The following ZNF626 variants were observed in gnomAD, a reference collection of about 807,000 sequenced individuals.
ZNF626 encodes zinc finger protein 626, also known as CTC-513N18.7.
ZNF626 carries 4 observed loss-of-function variants against 11.7 expected under a neutral mutation model. The ratio of observed to expected loss-of-function variants is 0.34; its 90% CI spans 0.17 to 0.78. The LOEUF (loss-of-function observed/expected upper bound fraction) is 0.78, where lower values mean the gene tolerates loss of function less well. ZNF626 is among the 30% of genes least tolerant of loss of function. The pLI is 0.57. For synonymous variants in ZNF626, 179 were observed against 198.6 expected (o/e 0.90, Z 0.83); for missense variants, 588 against 587.1 (o/e 1.00, Z -0.01).
Position 20,622,329 on chromosome 19 carries a change from C to A in ZNF626, c.*1961G>T, listed in dbSNP as rs1274193272. The A allele has an allele frequency of 6.6e-6, 1 of 152,130 alleles. No individual in the cohort carries two copies. Among genetic ancestry groups the A allele is most frequent in the Non-Finnish European group, 1.5e-5 (1 of 68,010 alleles). 9.4% of individuals were successfully genotyped at this position (152,130 alleles called of 1,614,324 possible). A position where few individuals can be genotyped will look rare whatever the true frequency, so the allele number is the denominator to read the frequency against. ...ATACTTTAATTTATAATTTCTTTCT[C>A]TCAGTATAATGTAGAAAAGTATTAC... On this transcript the variant is annotated 3_prime_UTR_variant, in exon 4 of 4. Transcript: ENST00000601440.
chr19:20,654,649 C>T (rs1393321203), intron 1 of ZNF626, among the ~76,000 whole-genome samples: 7 of 151,752 alleles, frequency 4.6e-5, no homozygotes, highest in African/African-American at 1.5e-4. Flanking sequence ...GCGGAGCTTG[C>T]AGTGAGCCAA....
At chr19:20,653,882 G>C (rs1317259665) in intron 1 of ZNF626, among the ~76,000 whole-genome samples, 1 of 152,080 alleles carries the variant, frequency 6.6e-6, no homozygotes, top group African/African-American at 2.4e-5. Context: ...TAATTGAAGA[G>C]CTACTATAGT....
chr19:20,650,305 G>A (rs10775594), intron 1 of ZNF626, among the ~76,000 whole-genome samples: 99,268 of 151,626 alleles, frequency 0.65, 34,697 homozygotes, highest in African/African-American at 0.91. Flanking sequence ...AAATATGGAA[G>A]GCAAGAGTTT....
intron 3 of ZNF626, among the ~76,000 whole-genome samples, chr19:20,634,779 G>A (rs1357673775): frequency 2.2e-4 from 34 of 152,132 alleles, no homozygotes; most frequent in Admixed American, 1.9e-3. Context: ...AAAAGTATAT[G>A]GAATCTAAAG....
chr19:20,661,392 C>T (rs975011019), intron 1 of ZNF626, 52 bp downstream of exon 1: 7 of 1,612,734 alleles, frequency 4.3e-6, no homozygotes, highest in Admixed American at 1.7e-5. Context: ...CACTTTTCAC[C>T]GGTTCCAACC....
At chr19:20,660,421 G>A (rs1310728992) in intron 1 of ZNF626, among the ~76,000 whole-genome samples, 1 of 151,960 alleles carries the variant, frequency 6.6e-6, no homozygotes, top group Non-Finnish European at 1.5e-5. Flanking sequence ...TTTTTAAGAT[G>A]CTTACTTTTT....
intron 3 of ZNF626, among the ~76,000 whole-genome samples, chr19:20,635,972 A>C (rs1241935887): frequency 2.6e-5 from 4 of 152,170 alleles, no homozygotes; most frequent in Non-Finnish European, 4.4e-5. Context: ...GTCTCTACTA[A>C]AAGTACAAAA....
chr19:20,625,781 A>G (rs1168394505), intron 3 of ZNF626, 131 bp from the exon 4 acceptor site: 40 of 960,714 alleles, frequency 4.2e-5, no homozygotes, highest in Non-Finnish European at 5.1e-5. Flanking sequence ...ACAAGCTGTA[A>G]TTTCTTCCTG....
chr19:20,638,675 GATATT>G (rs548771591), intron 3 of ZNF626, among the ~76,000 whole-genome samples: 3 of 151,972 alleles, frequency 2.0e-5, no homozygotes, highest in Admixed American at 6.6e-5. Flanking sequence ...GACAAAGACT[GATATT>G]ATATTATGAC....
At position 20,646,301 on chromosome 19, in the gene ZNF626, G is replaced by C. The variant is rs782556295; in HGVS notation, c.108C>G (p.Asn36Lys). 2 of 1,613,854 alleles carry C rather than the reference G, an allele frequency of 1.2e-6. No individual in the cohort carries two copies. Among genetic ancestry groups the C allele is most frequent in the Non-Finnish European group, 1.7e-6 (2 of 1,179,940 alleles). The change falls in exon 2 of 4, where the codon AAC becomes AAG. Residue 36 changes from asparagine to lysine, a missense_variant. By Grantham distance (94) the Asn-to-Lys change is moderately conservative (BLOSUM62 0). Coordinates refer to ENST00000601440, the MANE Select transcript of ZNF626 (RefSeq NM_001076675.3). ...RNLYRNVMLE[N>K]YSNLVFLGIT... ...CACCAAGGAAGACCAGGTTACTGTA[G>C]TTCTCTAACATCACATTCCTATATA... is the stretch of plus-strand genomic sequence containing the variant.
chr19:20,636,544 G>A (rs532775510), intron 3 of ZNF626, among the ~76,000 whole-genome samples: 2 of 151,260 alleles, frequency 1.3e-5, no homozygotes, highest in East Asian at 1.9e-4. Context: ...GTAATACAGA[G>A]GTTACTTGAA....
chr19:20,651,701 G>T (rs536264473), intron 1 of ZNF626, among the ~76,000 whole-genome samples: 6 of 152,272 alleles, frequency 3.9e-5, no homozygotes, highest in African/African-American at 1.4e-4. Flanking sequence ...GTGACCTGGG[G>T]CTGGTGGCCC....
intron 3 of ZNF626, among the ~76,000 whole-genome samples, chr19:20,626,686 G>A (rs1427625415): frequency 1.3e-5 from 2 of 152,124 alleles, no homozygotes; most frequent in African/African-American, 4.8e-5. Context: ...TTGTACCACT[G>A]CACTTCAGAC....
intron 2 of ZNF626, among the ~76,000 whole-genome samples, chr19:20,646,016 G>A (rs574210091): frequency 6.6e-5 from 10 of 152,268 alleles, no homozygotes; most frequent in South Asian, 6.2e-4. Context: ...TTCAGGTGGA[G>A]CAACAATATT....
chr19:20,624,167 C>T lies in ZNF626; in HGVS notation c.*123G>A, dbSNP rs1283593908. 6.6e-7 allele frequency: 1 copy of T among 1,519,574 alleles called. No homozygotes were observed. Among genetic ancestry groups the T allele is most frequent in the Admixed American group, 1.7e-5 (1 of 59,592 alleles). The allele number at this position is 1,519,574 out of a possible 1,614,324, so 94.1% of individuals were successfully genotyped here. A position where few individuals can be genotyped will look rare whatever the true frequency, so the allele number is the denominator to read the frequency against. ...TTAGAGGAGTGCTTAAAGGCTTTGC[C>T]ACATTCTTCACATCTGTAGGGTTTT... On this transcript the variant is annotated 3_prime_UTR_variant, in exon 4 of 4. Transcript: ENST00000601440.
chr19:20,627,887 T>A (rs1969857874), intron 3 of ZNF626, among the ~76,000 whole-genome samples: 1 of 152,216 alleles, frequency 6.6e-6, no homozygotes, highest in African/African-American at 2.4e-5. Context: ...CATTAACTCG[T>A]CATTTAGCAT....
At position 20,620,976 on chromosome 19, in the gene ZNF626, CT is replaced by C. The variant is rs1471395948; in HGVS notation, c.*3313del. 1 of 152,092 alleles carries C rather than the reference CT, an allele frequency of 6.6e-6. No homozygotes were observed. The highest frequency in any genetic ancestry group is 2.1e-4 in the South Asian group (1 of 4,790). 9.4% of individuals were successfully genotyped at this position (152,092 alleles called of 1,614,324 possible). On this transcript the variant is annotated 3_prime_UTR_variant, in exon 4 of 4. Coordinates refer to ENST00000601440, the MANE Select transcript of ZNF626 (RefSeq NM_001076675.3). ...GCCTCAGCCTCTGGAGTAGCTGGGA[CT>C]ACAGGCGCCCACCACCACGCCCAGC...
intron 1 of ZNF626, among the ~76,000 whole-genome samples, chr19:20,646,637 A>G (rs1202502444): frequency 1.3e-5 from 2 of 152,244 alleles, no homozygotes; most frequent in African/African-American, 2.4e-5. Flanking sequence ...TCTAGATAAT[A>G]AAGTATAAAA....
intron 3 of ZNF626, among the ~76,000 whole-genome samples, chr19:20,628,586 G>A (rs1201091484): frequency 2.6e-5 from 4 of 152,132 alleles, no homozygotes; most frequent in African/African-American, 9.7e-5. Context: ...CTTCTTTTGA[G>A]AAGTGTCTGT....
Sources: allele counts gnomAD v4.1 joint callset (sites outside exome capture counted in the v4.1 genomes callset), GRCh38; gene constraint gnomAD v4.1.1; transcripts MANE v1.5; gene names NCBI Gene and HGNC (gene_info 2026-07-23, HGNC 2026-07-21).